ZFAT: variants seen among roughly 807,000 people sequenced by gnomAD.
ZFAT encodes zinc finger and AT-hook domain containing, also known as zinc finger protein ZFAT.
In ZFAT, 64 loss-of-function variants were observed where a neutral mutation model predicts 117.7. That is an observed-to-expected ratio of 0.54 (90% CI 0.44 to 0.67). The LOEUF is 0.67. Among genes scored for constraint, ZFAT ranks in the 30% least tolerant of loss-of-function variants. The pLI, the probability that ZFAT is intolerant of heterozygous loss-of-function variation, is 0.00. For missense variants in ZFAT, 1,433 were observed against 1,584.5 expected (o/e 0.90, Z 1.62); for synonymous variants, 679 against 615.0 (o/e 1.10, Z -1.54).
At chr8:134,758,194 G>C in the ZFAT span, among the ~76,000 whole-genome samples, 1 of 152,132 alleles carries the variant, frequency 6.6e-6, no homozygotes, top group African/African-American at 2.4e-5. Context: ...AGGGGGATTG[G>C]CTCTTATTAG....
intron 3 of ZFAT, among the ~76,000 whole-genome samples, chr8:134,615,279 G>A (rs535053222): frequency 4.4e-4 from 67 of 152,176 alleles, no homozygotes; most frequent in African/African-American, 1.5e-3. Flanking sequence ...CTCCACCTCC[G>A]GAGTTCAAGT....
chr8:134,500,910 C>A (rs900075295), intron 15 of ZFAT, among the ~76,000 whole-genome samples: 4 of 152,168 alleles, frequency 2.6e-5, no homozygotes, highest in African/African-American at 7.2e-5. Flanking sequence ...AGGCTACCTG[C>A]ATGTATAATT....
intron 1 of ZFAT, among the ~76,000 whole-genome samples, chr8:134,676,217 T>C (rs1320602324): frequency 5.1e-5 from 2 of 39,060 alleles, no homozygotes; most frequent in East Asian, 1.3e-3. Context: ...AGGCACAAAA[T>C]AAAGGGATGG....
chr8:134,717,846 C>T (rs1586985933), upstream of ZFAT, among the ~76,000 whole-genome samples: 1 of 151,928 alleles, frequency 6.6e-6, no homozygotes, highest in African/African-American at 2.4e-5. Context: ...AAGCGCTTGC[C>T]ACCATGCCCA....
chr8:134,796,820 T>C, the ZFAT span: 4 of 152,328 alleles, frequency 2.6e-5, no homozygotes, highest in South Asian at 4.1e-4. Context: ...TATGCAAGCA[T>C]GTATTAACTT....
At chr8:134,761,597 G>A in the ZFAT span, among the ~76,000 whole-genome samples, 1 of 152,134 alleles carries the variant, frequency 6.6e-6, no homozygotes, top group South Asian at 2.1e-4. Context: ...CTACTTGGGA[G>A]GCTGAGGCAG....
At chr8:134,807,713 T>C in the ZFAT span, among the ~76,000 whole-genome samples, 12 of 145,436 alleles carry the variant, frequency 8.3e-5, no homozygotes, top group Admixed American at 5.5e-4. Context: ...CCCAATTACA[T>C]GGAAAAAAAA....
chr8:134,683,301 A>G (rs576364037), intron 1 of ZFAT, among the ~76,000 whole-genome samples: 83 of 152,346 alleles, frequency 5.4e-4, no homozygotes, highest in African/African-American at 1.9e-3. Flanking sequence ...TGAGAAAGCT[A>G]TAACTTGCCT....
At chr8:134,831,140 T>C in the ZFAT span, among the ~76,000 whole-genome samples, 1 of 152,226 alleles carries the variant, frequency 6.6e-6, no homozygotes, top group Non-Finnish European at 1.5e-5. Flanking sequence ...TATCAAGTAC[T>C]TCGGTGTCCT....
intron 9 of ZFAT, among the ~76,000 whole-genome samples, chr8:134,585,988 A>G (rs2130857534): frequency 6.6e-6 from 1 of 152,160 alleles, no homozygotes; most frequent in South Asian, 2.1e-4. Context: ...TTTCAATTTA[A>G]TTTTTTGGGT....
chr8:134,766,122 TTCTC>T, the ZFAT span: 43 of 152,330 alleles, frequency 2.8e-4, no homozygotes, highest in Admixed American at 2.2e-3. Flanking sequence ...ATTATCTACT[TTCTC>T]TCTCATTCAT....
At chr8:134,721,043 T>C in the ZFAT span, among the ~76,000 whole-genome samples, 1 of 152,190 alleles carries the variant, frequency 6.6e-6, no homozygotes, top group African/African-American at 2.4e-5. Flanking sequence ...AAACATGAGC[T>C]CATCCATCCC....
At chr8:134,781,139 T>C in the ZFAT span, among the ~76,000 whole-genome samples, 3 of 152,170 alleles carry the variant, frequency 2.0e-5, no homozygotes, top group Non-Finnish European at 4.4e-5. Context: ...TATTTACTTA[T>C]TTTTGAGACA....
Position 134,712,962 on chromosome 8 carries a change from TTTA to T in ZFAT, c.-102_-100del. On this transcript the variant is annotated 5_prime_UTR_variant, in exon 1 of 16. Transcript: ENST00000377838. ...GGGGCGCCCTGCTGACGCTTCGCTT[TTTA>T]TTTTTATTTTTTTAAGAAAAGAGCC... is the stretch of plus-strand genomic sequence containing the variant. 2 of 1,331,882 alleles carry T rather than the reference TTTA, an allele frequency of 1.5e-6. No individual in the cohort carries two copies. The highest frequency in any genetic ancestry group is 2.0e-6 in the Non-Finnish European group (2 of 1,013,906). 82.5% of individuals were successfully genotyped at this position (1,331,882 alleles called of 1,614,324 possible).
chr8:134,746,217 G>A, the ZFAT span, among the ~76,000 whole-genome samples: 18 of 152,176 alleles, frequency 1.2e-4, no homozygotes, highest in Non-Finnish European at 1.8e-4. Flanking sequence ...CAGCTCTCAT[G>A]TTCTCTCTAG....
intron 8 of ZFAT, 28 bp downstream of exon 8, chr8:134,590,240 T>C: frequency 1.3e-6 from 2 of 1,552,670 alleles, no homozygotes; most frequent in Non-Finnish European, 1.8e-6. Flanking sequence ...TTAACATTAA[T>C]CTTCCACTCC....
the ZFAT span, among the ~76,000 whole-genome samples, chr8:134,728,206 G>A: frequency 6.6e-6 from 1 of 151,930 alleles, no homozygotes; most frequent in African/African-American, 2.4e-5. Flanking sequence ...ACAACTGACT[G>A]GTCTCGGTGG....
the ZFAT span, chr8:134,794,637 A>G: frequency 6.6e-6 from 1 of 152,252 alleles, no homozygotes; most frequent in Admixed American, 6.5e-5. Context: ...ACATAATGAA[A>G]TAATACAGAC....
rs372118334 is a variant in ZFAT at position 134,686,339 on chromosome 8, G to A, written c.19+26506C>T. Among the ~76,000 whole-genome samples the A allele has an allele frequency of 3.3e-5, 5 of 152,254 alleles. No individual in the cohort carries two copies. In the East Asian group the frequency reaches 7.7e-4, roughly 23 times the overall value. ...CACAACCACCCTGCCCTGAGTCCTG[G>A]TTATCCTGGGTTGGGGGCTGGGACC... On this transcript the variant is annotated intron_variant, in intron 1 of 15. Coordinates refer to ENST00000377838, the MANE Select transcript of ZFAT (RefSeq NM_020863.4).
Sources: allele counts gnomAD v4.1 joint callset (sites outside exome capture counted in the v4.1 genomes callset), GRCh38; gene constraint gnomAD v4.1.1; transcripts MANE v1.5; gene names NCBI Gene and HGNC (gene_info 2026-07-23, HGNC 2026-07-21).